The following DSCAM variants were observed in gnomAD, a reference collection of about 807,000 sequenced individuals.
The protein encoded by DSCAM is DS cell adhesion molecule, also known as cell adhesion molecule DSCAM.
DSCAM carries 47 observed loss-of-function variants against 217.7 expected under a neutral mutation model. That is an observed-to-expected ratio of 0.22 (90% confidence interval 0.17 to 0.28). DSCAM has a LOEUF of 0.28. Among genes scored for constraint, DSCAM ranks in the 10% least tolerant of loss-of-function variants. DSCAM has a pLI of 1.00. For synonymous variants in DSCAM, 1,056 were observed against 1,015.3 expected (o/e 1.04, Z -0.76); for missense variants, 2,080 against 2,618.3 (o/e 0.79, Z 4.49).
At chr21:40,232,735 A>C (rs1338329313) in intron 11 of DSCAM, among the ~76,000 whole-genome samples, 1 of 152,162 alleles carries the variant, frequency 6.6e-6, no homozygotes, top group Non-Finnish European at 1.5e-5. Context: ...TATTTATCAT[A>C]TTTGTAATTC....
intron 3 of DSCAM, among the ~76,000 whole-genome samples, chr21:40,625,256 T>C (rs547136537): frequency 6.6e-6 from 1 of 152,026 alleles, no homozygotes; most frequent in Non-Finnish European, 1.5e-5. Context: ...GGAGACTAAC[T>C]GTCCACATTT....
At chr21:40,539,132 T>C (rs977055441) in intron 3 of DSCAM, among the ~76,000 whole-genome samples, 6 of 152,146 alleles carry the variant, frequency 3.9e-5, no homozygotes, top group South Asian at 2.1e-4. Context: ...AAGCTTGTGG[T>C]TGGGGAGGCC....
intron 11 of DSCAM, among the ~76,000 whole-genome samples, chr21:40,209,523 A>G (rs2091161441): frequency 6.6e-6 from 1 of 152,068 alleles, no homozygotes; most frequent in African/African-American, 2.4e-5. Flanking sequence ...GCTGTCTCCC[A>G]TCTCTGGAGG....
At chr21:40,043,363 A>G (rs1367575966) in intron 31 of DSCAM, among the ~76,000 whole-genome samples, 1 of 152,222 alleles carries the variant, frequency 6.6e-6, no homozygotes, top group Non-Finnish European at 1.5e-5. Context: ...TTCTAAGAGA[A>G]ATCACAGCCT....
At chr21:40,795,785 C>A (rs1238868512) in intron 1 of DSCAM, among the ~76,000 whole-genome samples, 1 of 152,166 alleles carries the variant, frequency 6.6e-6, no homozygotes, top group Non-Finnish European at 1.5e-5. Flanking sequence ...TTGGAAATAA[C>A]TGATTGTGTA....
chr21:40,552,047 G>T lies in DSCAM; in HGVS notation c.508+140763C>A, dbSNP rs547091938. On this transcript the variant is annotated intron_variant, in intron 3 of 32. Coordinates refer to ENST00000400454, the MANE Select transcript of DSCAM (RefSeq NM_001389.5). ...AGTTCTATTTCCAGCTGGGCATGGT[G>T]GCTCACACCTGTAATCCCAGCACTT... is the stretch of plus-strand genomic sequence containing the variant. 9.1e-4 allele frequency among the ~76,000 whole-genome samples: 139 copies of T among 152,304 alleles called. 1 individual carries two copies. The highest frequency in any genetic ancestry group is 3.1e-3 in the African/African-American group (127 of 41,574).
At chr21:40,432,418 T>C (rs2075543383) in intron 3 of DSCAM, among the ~76,000 whole-genome samples, 1 of 152,020 alleles carries the variant, frequency 6.6e-6, no homozygotes, top group Admixed American at 6.6e-5. Flanking sequence ...CACCTCCCAC[T>C]TCGGCCCTCC....
chr21:40,712,161 G>A (rs953795392), intron 1 of DSCAM, among the ~76,000 whole-genome samples: 7 of 152,092 alleles, frequency 4.6e-5, no homozygotes, highest in Admixed American at 4.6e-4. Flanking sequence ...ATTGAATAAG[G>A]CAATGACACA....
chr21:40,429,656 A>T (rs985277659), intron 3 of DSCAM, among the ~76,000 whole-genome samples: 22 of 152,204 alleles, frequency 1.4e-4, no homozygotes, highest in Non-Finnish European at 2.9e-5. Flanking sequence ...AAGTTGTTAA[A>T]CGCCCTTGTA....
intron 3 of DSCAM, among the ~76,000 whole-genome samples, chr21:40,506,456 C>G (rs1372312745): frequency 6.6e-6 from 1 of 152,168 alleles, no homozygotes; most frequent in Non-Finnish European, 1.5e-5. Context: ...CTTATTTGCT[C>G]CTTCTTGCTT....
At chr21:40,352,969 T>C (rs2123646997) in intron 5 of DSCAM, among the ~76,000 whole-genome samples, 1 of 152,292 alleles carries the variant, frequency 6.6e-6, no homozygotes, top group East Asian at 1.9e-4. Flanking sequence ...ACAAGTCTAA[T>C]ATTTGGGTAT....
At chr21:40,066,832 C>G (rs1027309165) in intron 27 of DSCAM, among the ~76,000 whole-genome samples, 9 of 152,164 alleles carry the variant, frequency 5.9e-5, no homozygotes, top group Non-Finnish European at 8.8e-5. Context: ...TGGAGTTTGT[C>G]TGGGCCCCTG....
intron 3 of DSCAM, among the ~76,000 whole-genome samples, chr21:40,580,006 A>G (rs1289766035): frequency 6.6e-6 from 1 of 152,072 alleles, no homozygotes; most frequent in Non-Finnish European, 1.5e-5. Context: ...TCTTCACTTC[A>G]GATCATCCAC....
intron 15 of DSCAM, among the ~76,000 whole-genome samples, chr21:40,175,841 T>C (rs2090723716): frequency 7.7e-6 from 1 of 130,390 alleles, no homozygotes; most frequent in Non-Finnish European, 1.7e-5. Context: ...ACACATACTC[T>C]GCTCATTGTG....
chr21:40,466,882 C>A (rs958817983), intron 3 of DSCAM, among the ~76,000 whole-genome samples: 5 of 152,300 alleles, frequency 3.3e-5, no homozygotes, highest in Middle Eastern at 6.8e-3. Context: ...AAAACACTTA[C>A]AAGAACTGAG....
At chr21:40,646,490 G>T (rs183856578) in intron 3 of DSCAM, among the ~76,000 whole-genome samples, 1 of 151,878 alleles carries the variant, frequency 6.6e-6, no homozygotes, top group Non-Finnish European at 1.5e-5. Flanking sequence ...AACTCACGTG[G>T]CATTGACTGA....
chr21:40,687,344 T>C (rs1601850436), intron 3 of DSCAM, among the ~76,000 whole-genome samples: 1 of 152,170 alleles, frequency 6.6e-6, no homozygotes, highest in South Asian at 2.1e-4. Flanking sequence ...CTCATTCCTT[T>C]TACTCATAAG....
At chr21:40,070,545 T>C (rs990145123) in intron 27 of DSCAM, among the ~76,000 whole-genome samples, 2 of 152,140 alleles carry the variant, frequency 1.3e-5, no homozygotes, top group Admixed American at 1.3e-4. Context: ...CTAGGGTGCA[T>C]GTGTGCTACT....
intron 11 of DSCAM, among the ~76,000 whole-genome samples, chr21:40,197,062 T>C (rs2091018181): frequency 6.6e-6 from 1 of 152,118 alleles, no homozygotes; most frequent in African/African-American, 2.4e-5. Context: ...ATAAGAGAAT[T>C]TTGGAATTAA....
Sources: gnomAD v4.1 joint callset for allele counts (sites outside exome capture counted in the v4.1 genomes callset) on GRCh38, gnomAD v4.1.1 for gene constraint, MANE v1.5 for transcripts, NCBI Gene and HGNC (gene_info 2026-07-23, HGNC 2026-07-21) for gene names.